The following ATP10B variants were observed in gnomAD, a reference collection of about 807,000 sequenced individuals.
ATP10B encodes phospholipid-transporting ATPase VB.
ATP10B carries 122 observed loss-of-function variants against 141.2 expected under a neutral mutation model. The observed-to-expected ratio is 0.86, with a 90% CI of 0.75 to 1.00. ATP10B has a LOEUF of 1.00. Among genes scored for constraint, ATP10B ranks in the 50% least tolerant of loss-of-function variants. The pLI is 0.00. For synonymous variants in ATP10B, 685 were observed against 692.0 expected (o/e 0.99, Z 0.16); for missense variants, 1,876 against 1,825.3 (o/e 1.03, Z -0.51).
At chr5:160,635,554 G>A (rs1759304133) in intron 11 of ATP10B, among the ~76,000 whole-genome samples, 1 of 152,108 alleles carries the variant, frequency 6.6e-6, no homozygotes, top group Non-Finnish European at 1.5e-5. Flanking sequence ...CAATAAGAGG[G>A]CAATGAAACA....
At chr5:160,591,358 C>T (rs1223764362) in intron 22 of ATP10B, among the ~76,000 whole-genome samples, 1 of 152,182 alleles carries the variant, frequency 6.6e-6, no homozygotes, top group Non-Finnish European at 1.5e-5. Flanking sequence ...GTGCGGAGAA[C>T]TAGTTTCTTC....
chr5:160,885,500 G>A, the ATP10B span, among the ~76,000 whole-genome samples: 1 of 152,204 alleles, frequency 6.6e-6, no homozygotes, highest in Non-Finnish European at 1.5e-5. Context: ...AAAACCCCAG[G>A]ATCAAATGTA....
At chr5:160,690,365 T>C in intron 3 of ATP10B, among the ~76,000 whole-genome samples, 1 of 152,226 alleles carries the variant, frequency 6.6e-6, no homozygotes, top group East Asian at 1.9e-4. Flanking sequence ...TGGGATCTAA[T>C]TAAACTAAAG....
At chr5:160,595,361 A>C in intron 22 of ATP10B, among the ~76,000 whole-genome samples, 1 of 152,084 alleles carries the variant, frequency 6.6e-6, no homozygotes, top group Non-Finnish European at 1.5e-5. Flanking sequence ...AAGACACAAC[A>C]TACCAGAATC....
Position 160,565,559 on chromosome 5 carries a change from A to G in ATP10B, c.4280T>C (p.Leu1427Pro). 1 of 1,614,122 alleles carries G rather than the reference A, an allele frequency of 6.2e-7. No homozygotes were observed. The highest frequency in any genetic ancestry group is 2.2e-5 in the East Asian group (1 of 44,866). Reference sequence around the variant, plus strand: ...GGCCATTATCCTGTTAGGTCCCAGCAGGTGCTCCCCGGATGAGAGTTGAGC... The same window carrying G: ...GGCCATTATCCTGTTAGGTCCCAGCGGGTGCTCCCCGGATGAGAGTTGAGC... The part of the protein sequence containing the change: ...SSAQLSSGEH[L>P]LGPNRIMAYS... Residue 1427 changes from leucine (L) to proline (P), a missense_variant, in exon 26 of 26, where the codon CTG becomes CCG. Coordinates refer to ENST00000327245, the MANE Select transcript of ATP10B (RefSeq NM_025153.3).
intron 2 of ATP10B, among the ~76,000 whole-genome samples, chr5:160,745,188 C>A (rs41492850): frequency 0.021 from 3,205 of 152,262 alleles, 99 homozygotes; most frequent in African/African-American, 0.072. Flanking sequence ...TGAACACCAG[C>A]CCATTCTATT....
the ATP10B span, among the ~76,000 whole-genome samples, chr5:160,916,231 T>C: frequency 6.6e-6 from 1 of 152,194 alleles, no homozygotes; most frequent in Non-Finnish European, 1.5e-5. Context: ...TGTCTGGATT[T>C]GGGGATGTAT....
At chr5:160,601,633 G>A (rs1447153520) in intron 21 of ATP10B, among the ~76,000 whole-genome samples, 1 of 152,182 alleles carries the variant, frequency 6.6e-6, no homozygotes, top group African/African-American at 2.4e-5. Context: ...CTTATTGTTT[G>A]TATTTTTATA....
At chr5:160,653,806 C>A (rs1344962750) in intron 7 of ATP10B, among the ~76,000 whole-genome samples, 2 of 117,454 alleles carry the variant, frequency 1.7e-5, no homozygotes, top group African/African-American at 3.6e-5. Flanking sequence ...GACGTATATA[C>A]ATATATATTA....
At chr5:160,881,624 A>T in the ATP10B span, among the ~76,000 whole-genome samples, 3 of 152,098 alleles carry the variant, frequency 2.0e-5, no homozygotes, top group African/African-American at 7.2e-5. Flanking sequence ...CATCCTGGCT[A>T]ACACGGTGAA....
intron 1 of ATP10B, among the ~76,000 whole-genome samples, chr5:160,812,020 C>CACAGAGAGAGAGAGAG (rs1211580744): frequency 0.014 from 1,610 of 111,468 alleles, 40 homozygotes; most frequent in Non-Finnish European, 0.022. Context: ...GAGACAGAGA[C>CACAGAGAGAGAGAGAG]AGAGAGAGAG....
chr5:160,761,153 G>GCTAATTC (rs1298193105), intron 2 of ATP10B, among the ~76,000 whole-genome samples: 6 of 152,194 alleles, frequency 3.9e-5, no homozygotes, highest in African/African-American at 1.4e-4. Flanking sequence ...AAAAACGACA[G>GCTAATTC]CTAATTCCAC....
At chr5:160,609,606 T>C (rs1051249233) in intron 18 of ATP10B, among the ~76,000 whole-genome samples, 1 of 152,216 alleles carries the variant, frequency 6.6e-6, no homozygotes, top group Non-Finnish European at 1.5e-5. Flanking sequence ...CTTGAACTCC[T>C]GACCTCAAGT....
chr5:160,650,807 C>A (rs1262724124), intron 7 of ATP10B, among the ~76,000 whole-genome samples: 1 of 152,204 alleles, frequency 6.6e-6, no homozygotes, highest in Admixed American at 6.5e-5. Flanking sequence ...CTGGCAATAA[C>A]TTCCAGGCCT....
chr5:160,615,789 A>G, intron 17 of ATP10B, 49 bp downstream of exon 17: 2 of 1,593,134 alleles, frequency 1.3e-6, no homozygotes. Flanking sequence ...CTCCCTTCTC[A>G]ACTGGCTGCA....
At chr5:160,805,536 G>A (rs1453199157) in intron 1 of ATP10B, among the ~76,000 whole-genome samples, 1 of 152,134 alleles carries the variant, frequency 6.6e-6, no homozygotes, top group South Asian at 2.1e-4. Context: ...GACATTTCTG[G>A]GTTACTACAC....
At chr5:160,775,261 T>C (rs1488271759) in intron 2 of ATP10B, among the ~76,000 whole-genome samples, 8 of 152,218 alleles carry the variant, frequency 5.3e-5, no homozygotes, top group African/African-American at 1.9e-4. Flanking sequence ...CCACTGGCCA[T>C]CCTAACAAAG....
chr5:160,854,400 C>A (rs1288386602), upstream of ATP10B, among the ~76,000 whole-genome samples: 2 of 152,018 alleles, frequency 1.3e-5, no homozygotes, highest in East Asian at 1.9e-4. Context: ...TTGTTCAACT[C>A]CCACTTATGA....
intron 22 of ATP10B, among the ~76,000 whole-genome samples, chr5:160,597,921 T>C (rs1463366255): frequency 1.3e-4 from 20 of 150,970 alleles, no homozygotes; most frequent in African/African-American, 2.4e-4. Flanking sequence ...TGTGGAGAAA[T>C]AGGAACACTT....
Sources: allele counts gnomAD v4.1 joint callset (sites outside exome capture counted in the v4.1 genomes callset), GRCh38; gene constraint gnomAD v4.1.1; transcripts MANE v1.5; gene names NCBI Gene and HGNC (gene_info 2026-07-23, HGNC 2026-07-21).